Variants in MYH3 observed in about 807,000 individuals in gnomAD.
MYH3 encodes myosin-3.
A neutral mutation model predicts 238.0 loss-of-function variants in MYH3; 130 were observed. The ratio of observed to expected loss-of-function variants is 0.55; its 90% confidence interval spans 0.47 to 0.63. MYH3 has a LOEUF of 0.63. MYH3 is among the 30% of genes least tolerant of loss of function. MYH3 has a pLI of 0.00. For synonymous variants in MYH3, 880 were observed against 924.1 expected, an observed-to-expected ratio of 0.95 and a Z score of 0.86; for missense variants, 1,853 against 2,374.9, an observed-to-expected ratio of 0.78 and a Z score of 4.57.
intron 36 of MYH3, 125 bp downstream of exon 36, chr17:10,631,486 G>A (rs926467473): frequency 1.4e-6 from 2 of 1,419,280 alleles, no homozygotes; most frequent in East Asian, 2.4e-5. Flanking sequence ...GCGGAGATGG[G>A]AGCCCTCGGG....
intron 8 of MYH3, among the ~76,000 whole-genome samples, chr17:10,647,660 T>G (rs990437469): frequency 6.6e-6 from 1 of 152,222 alleles, no homozygotes; most frequent in Non-Finnish European, 1.5e-5. Flanking sequence ...TTCTCCTGCC[T>G]CAGCCTCCTG....
In MYH3 at chr17:10,637,789, G is replaced by C; in HGVS notation, c.3856+20C>G. 1 of 1,613,800 alleles carries C rather than the reference G, an allele frequency of 6.2e-7. No individual in the cohort carries two copies. Among genetic ancestry groups the C allele is most frequent in the Non-Finnish European group, 8.5e-7 (1 of 1,180,016 alleles). On this transcript the variant is annotated intron_variant, in intron 28 of 40. Coordinates refer to ENST00000583535, the MANE Select transcript of MYH3 (RefSeq NM_002470.4). ...GTGCCAGGAGGTTTTGGCCCCACGG[G>C]TTTTCTGCACGTGGCTTACCAGCCT...
At position 10,654,796 on chromosome 17, in the gene MYH3, A is replaced by C; in HGVS notation, c.204+65T>G. 6.7e-7 allele frequency: 1 copy of C among 1,482,692 alleles called. No homozygotes were observed. Among genetic ancestry groups the C allele is most frequent in the Non-Finnish European group, 9.4e-7 (1 of 1,060,090 alleles). The allele number at this position is 1,482,692 out of a possible 1,614,324, so 91.8% of individuals were successfully genotyped here. On this transcript the variant is annotated intron_variant, in intron 3 of 40. Transcript: ENST00000583535. This position sits in a 1 kb window ranked among gnomAD's most constrained non-coding sequence, Gnocchi z 4.5. ...GAAGTGGCTGGGGTTGGGCAGATGC[A>C]TACCCCAGGCAAGCACAAGGACCAG...
the MYH3 span, among the ~76,000 whole-genome samples, chr17:10,669,808 C>T: frequency 3.2e-4 from 48 of 152,104 alleles, no homozygotes; most frequent in Non-Finnish European, 4.9e-4. Flanking sequence ...CTACTCCAGA[C>T]GCTGAGGTGA....
chr17:10,665,885 G>C, the MYH3 span, among the ~76,000 whole-genome samples: 1 of 152,154 alleles, frequency 6.6e-6, no homozygotes. Flanking sequence ...TAATGAAGAG[G>C]GCAGTGCTAT....
At chr17:10,667,403 C>T in the MYH3 span, among the ~76,000 whole-genome samples, 1 of 152,054 alleles carries the variant, frequency 6.6e-6, no homozygotes, top group South Asian at 2.1e-4. Flanking sequence ...AATCAGAGGC[C>T]GGGTGCAGTG....
In MYH3 at chr17:10,635,485, G is replaced by T; in HGVS notation, c.4054C>A (p.Gln1352Lys). The change falls in exon 30 of 41, where the codon CAG becomes AAG. Residue 1352 changes from glutamine (Q) to lysine (K), a missense_variant. This residue lies in a region of MYH3 where 1,044 missense variants were observed against 1,192.6 expected (regional missense o/e 0.88). Coordinates refer to ENST00000583535, the MANE Select transcript of MYH3 (RefSeq NM_002470.4). ...CTCTGCAGCTCAGCTTTGCCTTCCT[G>T]CTCCTCCTCATACTGTTCCCGCAGC... Reference protein sequence around the residue: ...DLLREQYEEEQEGKAELQRAL... With the variant: ...DLLREQYEEEKEGKAELQRAL... 1.2e-6 allele frequency: 2 copies of T among 1,614,200 alleles called. No homozygotes were observed. The highest frequency in any genetic ancestry group is 2.7e-5 in the African/African-American group (2 of 75,062).
chr17:10,659,968 C>A (rs1329254461), upstream of MYH3, among the ~76,000 whole-genome samples: 1 of 152,210 alleles, frequency 6.6e-6, no homozygotes, highest in South Asian at 2.1e-4. Context: ...GGAAACGTAT[C>A]TTTAGGAGAG....
chr17:10,655,018 A>C lies in MYH3; in HGVS notation c.47T>G (p.Phe16Cys). Residue 16 changes from phenylalanine (F) to cysteine (C), a missense_variant, in exon 3 of 41, where the codon TTC becomes TGC. Phe to Cys is a radical substitution (Grantham distance 205). Transcript: ENST00000583535. Reference sequence around the variant, plus strand: ...CCTCTCCTTTTCTGACTTCCGGAGGAAAGGAGCAGCTATGCCGAACACTTC... The same window carrying C: ...CCTCTCCTTTTCTGACTTCCGGAGGCAAGGAGCAGCTATGCCGAACACTTC... ...EMEVFGIAAP[F>C]LRKSEKERIE... The C allele has an allele frequency of 6.2e-7, 1 of 1,614,112 alleles. No homozygotes were observed. The highest frequency in any genetic ancestry group is 1.1e-5 in the South Asian group (1 of 91,072).
intron 7 of MYH3, among the ~76,000 whole-genome samples, chr17:10,649,036 C>G (rs2074350339): frequency 6.6e-6 from 1 of 152,192 alleles, no homozygotes; most frequent in African/African-American, 2.4e-5. Flanking sequence ...CTCTGTGACT[C>G]TGGCTTGCCC....
Position 10,642,811 on chromosome 17 carries a change from G to T in MYH3, c.1581+15C>A, listed in dbSNP as rs747812508. On this transcript the variant is annotated intron_variant, in intron 15 of 40. Transcript: ENST00000583535. This position sits in a 1 kb window ranked among gnomAD's most constrained non-coding sequence, Gnocchi z 5.4. The stretch of plus-strand genomic sequence containing the variant: ...GTCTATGAGAAGAGCTTACGGTGGG[G>T]ATGGAACTGGATACCTTCTCGATGA... 1 of 1,614,122 alleles carries T rather than the reference G, an allele frequency of 6.2e-7. No individual in the cohort carries two copies. Among genetic ancestry groups the T allele is most frequent in the South Asian group, 1.1e-5 (1 of 91,074 alleles).
chr17:10,654,927 T>C lies in MYH3; in HGVS notation c.138A>G (p.Glu46=). 3 of 1,614,246 alleles carry C rather than the reference T, an allele frequency of 1.9e-6. No homozygotes were observed. Among genetic ancestry groups the C allele is most frequent in the Non-Finnish European group, 1.7e-6 (2 of 1,180,040 alleles). The change falls in exon 3 of 41, where the codon GAA becomes GAG. Residue 46 remains glutamate, a synonymous_variant. Transcript: ENST00000583535. The surrounding 1 kb of genome is among the most constrained non-coding windows in gnomAD (Gnocchi z 4.5). ...TYCFVVDSKE[E]YAKGKIKSSQ... ...AACTCTTGATTTTCCCCTTGGCATA[T>C]TCTTCCTTTGAGTCCACCACGAAGC...
chr17:10,644,997 A>T (rs1309253758), intron 12 of MYH3, among the ~76,000 whole-genome samples: 4 of 152,152 alleles, frequency 2.6e-5, no homozygotes, highest in Admixed American at 6.5e-5. Flanking sequence ...GGAGGCCCAG[A>T]AAGGGTCATT....
chr17:10,630,935 C>A (rs1035008591), intron 36 of MYH3, among the ~76,000 whole-genome samples: 2 of 152,048 alleles, frequency 1.3e-5, no homozygotes, highest in Admixed American at 1.3e-4. Context: ...GGAAGAGGGC[C>A]AGAGCTACAC....
the MYH3 span, chr17:10,677,418 C>T: frequency 1.3e-5 from 2 of 152,258 alleles, no homozygotes; most frequent in African/African-American, 4.8e-5. Context: ...AGCTCATATA[C>T]ACATACACAA....
At chr17:10,628,951 C>T (rs1488668094) in intron 40 of MYH3, among the ~76,000 whole-genome samples, 1 of 152,228 alleles carries the variant, frequency 6.6e-6, no homozygotes, top group Non-Finnish European at 1.5e-5. Context: ...GCTCCTGCAG[C>T]AGCCTTTTGT....
intron 7 of MYH3, 104 bp from the exon 8 acceptor site, chr17:10,648,753 G>A: frequency 1.0e-6 from 1 of 965,718 alleles, no homozygotes; most frequent in Non-Finnish European, 1.7e-6. Flanking sequence ...TTGGCTTACT[G>A]CAACCTCCAC....
In MYH3 at chr17:10,651,332, C is replaced by T. The variant is rs138602545; in HGVS notation, c.505+180G>A. ...TCTAACTTGCATTAAATCCAAAACT[C>T]GTCACCTTGGCATGCGGGGCCCTAC... On this transcript the variant is annotated intron_variant, in intron 5 of 40. Transcript: ENST00000583535. Among the ~76,000 whole-genome samples, 648 of 152,314 alleles carry T rather than the reference C, an allele frequency of 4.3e-3. 7 individuals are homozygous for T. The highest frequency in any genetic ancestry group is 0.014 in the African/African-American group (579 of 41,566).
Position 10,638,923 on chromosome 17 carries a change from C to G in MYH3, c.3289G>C (p.Asp1097His). ...AACTGGAGGCCCAGTGTCTGCTCAT[C>G]TTCCACTTTGCTTTGAAGTTGACAA... ...EYCQLQSKVE[D>H]EQTLGLQFQK... is the part of the protein sequence containing the mutation. The change falls in exon 26 of 41, where the codon GAT becomes CAT. Residue 1097 changes from aspartate to histidine, a missense_variant. Coordinates refer to ENST00000583535, the MANE Select transcript of MYH3 (RefSeq NM_002470.4). The G allele has an allele frequency of 2.5e-6, 4 of 1,614,222 alleles. No individual in the cohort carries two copies. The highest frequency in any genetic ancestry group is 3.4e-6 in the Non-Finnish European group (4 of 1,180,032).
Sources: allele counts gnomAD v4.1 joint callset (sites outside exome capture counted in the v4.1 genomes callset), GRCh38; gene constraint gnomAD v4.1.1; regional missense constraint gnomAD v4.1.1; non-coding constraint Gnocchi (gnomAD v3.1); transcripts MANE v1.5; gene names NCBI Gene and HGNC (gene_info 2026-07-23, HGNC 2026-07-21).